STAU1: variants seen among roughly 807,000 people sequenced by gnomAD.
STAU1 encodes double-stranded RNA-binding protein Staufen homolog 1.
STAU1 carries 13 observed loss-of-function variants against 62.9 expected under a neutral mutation model. The ratio of observed to expected loss-of-function variants is 0.21; its 90% CI spans 0.13 to 0.33. The LOEUF (loss-of-function observed/expected upper bound fraction) is 0.33, where lower values mean the gene tolerates loss of function less well. Ranked by LOEUF, STAU1 falls within the 10% of genes least tolerant of loss-of-function variation. The pLI, the probability that STAU1 is intolerant of heterozygous loss-of-function variation, is 1.00. For synonymous variants in STAU1, 269 were observed against 265.1 expected (o/e 1.01, Z -0.14); for missense variants, 571 against 712.1 (o/e 0.80, Z 2.25).
Position 49,145,586 on chromosome 20 carries a change from T to C in STAU1, c.510+5996A>G, listed in dbSNP as rs1239287181. Among the ~76,000 whole-genome samples the C allele has an allele frequency of 2.7e-5, 4 of 150,382 alleles. No individual in the cohort carries two copies. In the East Asian group the frequency reaches 7.9e-4, roughly 30 times the overall value. On this transcript the variant is annotated intron_variant, in intron 5 of 13. Transcript: ENST00000371856. ...TCTCTACTAAAAATACAAAATTAGC[T>C]GGGTGTGGTGGCACATGCCTGTAAT... is the stretch of plus-strand genomic sequence containing the variant.
chr20:49,123,011 T>C lies in STAU1; in HGVS notation c.966+81A>G, dbSNP rs571546891. On this transcript the variant is annotated intron_variant, in intron 8 of 13. Coordinates refer to ENST00000371856, the MANE Select transcript of STAU1 (RefSeq NM_017453.4). Reference sequence around the variant, plus strand: ...ACAGGATCCAGCCTCCTCAGGAAGGTGTCCAGACCTTGAACCGCCATCAGC... The same window carrying C: ...ACAGGATCCAGCCTCCTCAGGAAGGCGTCCAGACCTTGAACCGCCATCAGC... 7.9e-4 allele frequency: 1,138 copies of C among 1,436,040 alleles called. 18 individuals are homozygous for C. The South Asian group carries it at 9.1e-3, about 11-fold the overall frequency. 89.0% of individuals were successfully genotyped at this position (1,436,040 alleles called of 1,614,324 possible).
the STAU1 span, among the ~76,000 whole-genome samples, chr20:49,193,698 T>C: frequency 6.6e-6 from 1 of 151,010 alleles, no homozygotes; most frequent in Non-Finnish European, 1.5e-5. Context: ...CCGGGCGCGG[T>C]GGCTCACGCC....
rs139763713 is a variant in STAU1 at position 49,139,910 on chromosome 20, G to A, written c.511-3979C>T. ...AAATAAAATAGAAAATGGGCAGTGCGTGCGGTGGCTCACACCTGTAATCCC... is the reference window on the plus strand; with the variant it reads ...AAATAAAATAGAAAATGGGCAGTGCATGCGGTGGCTCACACCTGTAATCCC... On this transcript the variant is annotated intron_variant, in intron 5 of 13. Transcript: ENST00000371856. 1.2e-3 allele frequency among the ~76,000 whole-genome samples: 178 copies of A among 152,002 alleles called. 1 individual carries two copies. In the East Asian group the frequency reaches 0.028, roughly 24 times the overall value.
At chr20:49,182,553 G>A (rs2093737595) in intron 1 of STAU1, among the ~76,000 whole-genome samples, 2 of 152,246 alleles carry the variant, frequency 1.3e-5, no homozygotes, top group South Asian at 4.1e-4. Context: ...AAGAGCAGAA[G>A]GTATGCCGGG....
intron 5 of STAU1, among the ~76,000 whole-genome samples, chr20:49,140,429 G>A (rs1399318365): frequency 6.6e-6 from 1 of 152,018 alleles, no homozygotes; most frequent in Non-Finnish European, 1.5e-5. Flanking sequence ...ACAGATGACT[G>A]GAAAAACAAA....
chr20:49,125,401 A>G (rs1036523675), intron 6 of STAU1, among the ~76,000 whole-genome samples: 3 of 151,106 alleles, frequency 2.0e-5, no homozygotes, highest in Non-Finnish European at 4.4e-5. Context: ...GTGGTGGTGC[A>G]CACCTGTAAT....
chr20:49,134,374 TGAGCC>T (rs2092821933), intron 6 of STAU1: 2 of 453,002 alleles, frequency 4.4e-6, no homozygotes, highest in African/African-American at 4.2e-5. Context: ...GAGGTTGCAG[TGAGCC>T]GAGAACACAC....
At chr20:49,195,690 G>A in the STAU1 span, among the ~76,000 whole-genome samples, 10 of 151,170 alleles carry the variant, frequency 6.6e-5, no homozygotes, top group African/African-American at 2.4e-4. Flanking sequence ...GATCACCTGA[G>A]GCTGGGAATT....
intron 3 of STAU1, among the ~76,000 whole-genome samples, chr20:49,164,127 G>A (rs1004726304): frequency 3.9e-5 from 6 of 151,994 alleles, no homozygotes; most frequent in Non-Finnish European, 7.4e-5. Context: ...CTACTCGGGA[G>A]GCTGAGGCAG....
chr20:49,134,367 G>C (rs1238032522), intron 6 of STAU1: 1 of 448,520 alleles, frequency 2.2e-6, no homozygotes, highest in African/African-American at 2.1e-5. Context: ...GGAGGTGGAG[G>C]TTGCAGTGAG....
chr20:49,185,477 T>G (rs1484907607), intron 1 of STAU1, among the ~76,000 whole-genome samples: 1 of 152,246 alleles, frequency 6.6e-6, no homozygotes. Flanking sequence ...ACAGAAATCA[T>G]GTATAAACAG....
intron 5 of STAU1, among the ~76,000 whole-genome samples, chr20:49,139,019 G>T (rs1453147320): frequency 6.6e-6 from 1 of 151,912 alleles, no homozygotes; most frequent in African/African-American, 2.4e-5. Context: ...TTCAACAAAT[G>T]GTGCTAGGAA....
chr20:49,137,185 T>C (rs1424391385), intron 5 of STAU1, among the ~76,000 whole-genome samples: 1 of 151,372 alleles, frequency 6.6e-6, no homozygotes, highest in Non-Finnish European at 1.5e-5. Flanking sequence ...TAATTAAAAA[T>C]AAAGAAATAA....
the STAU1 span, among the ~76,000 whole-genome samples, chr20:49,217,881 A>AT: frequency 3.3e-5 from 5 of 150,006 alleles, no homozygotes; most frequent in African/African-American, 7.3e-5. Context: ...AAATAAAATA[A>AT]TTTTTTTTTG....
chr20:49,121,418 C>T (rs2092462648), intron 8 of STAU1, among the ~76,000 whole-genome samples: 1 of 152,022 alleles, frequency 6.6e-6, no homozygotes, highest in African/African-American at 2.4e-5. Context: ...TCCCCTCTAC[C>T]CCAAAAAAAA....
intron 3 of STAU1, among the ~76,000 whole-genome samples, chr20:49,163,657 C>T (rs924981112): frequency 6.6e-6 from 1 of 152,110 alleles, no homozygotes; most frequent in Admixed American, 6.5e-5. Flanking sequence ...AACTCCAGAC[C>T]TCAGGTGATC....
chr20:49,170,011 T>C (rs1298492641), intron 2 of STAU1, among the ~76,000 whole-genome samples: 3 of 152,220 alleles, frequency 2.0e-5, no homozygotes, highest in Non-Finnish European at 4.4e-5. Flanking sequence ...AGTTACCGTT[T>C]TACAAGTGCC....
intron 6 of STAU1, among the ~76,000 whole-genome samples, chr20:49,133,078 T>C (rs2092787555): frequency 2.0e-5 from 3 of 152,174 alleles, no homozygotes; most frequent in Admixed American, 2.0e-4. Context: ...TGTGATAAAT[T>C]ACTTTAAAAG....
At chr20:49,139,327 C>T (rs146053105) in intron 5 of STAU1, among the ~76,000 whole-genome samples, 195 of 152,288 alleles carry the variant, frequency 1.3e-3, no homozygotes, top group Admixed American at 2.0e-3. Context: ...TCATTTATCT[C>T]ATAAGGGATT....
Sources: allele counts gnomAD v4.1 joint callset (sites outside exome capture counted in the v4.1 genomes callset), GRCh38; gene constraint gnomAD v4.1.1; transcripts MANE v1.5; gene names NCBI Gene and HGNC (gene_info 2026-07-23, HGNC 2026-07-21).